The following YWHAE variants were observed in gnomAD, a reference collection of about 807,000 sequenced individuals.
YWHAE encodes 14-3-3 protein epsilon.
In YWHAE, 4 loss-of-function variants were observed where a neutral mutation model predicts 30.1. The ratio of observed to expected loss-of-function variants is 0.13; its 90% CI spans 0.07 to 0.30. YWHAE has a LOEUF of 0.30. YWHAE is among the 10% of genes least tolerant of loss of function. The pLI, the probability that YWHAE is intolerant of heterozygous loss-of-function variation, is 1.00. For synonymous variants in YWHAE, 118 were observed against 111.8 expected (o/e 1.06, Z -0.35); for missense variants, 121 against 315.9 (o/e 0.38, Z 4.68).
intron 4 of YWHAE, among the ~76,000 whole-genome samples, chr17:1,356,478 C>G (rs757319735): frequency 5.9e-5 from 9 of 152,160 alleles, no homozygotes; most frequent in Non-Finnish European, 1.3e-4. Context: ...AAGGAGAAAA[C>G]AAAACACACT....
intron 1 of YWHAE, among the ~76,000 whole-genome samples, chr17:1,395,371 T>C (rs183833520): frequency 2.7e-5 from 4 of 150,408 alleles, no homozygotes; most frequent in African/African-American, 9.8e-5. Context: ...CTACTAAAAA[T>C]ACAAAAAATT....
At chr17:1,389,418 T>A (rs1340717173) in intron 1 of YWHAE, among the ~76,000 whole-genome samples, 1 of 152,196 alleles carries the variant, frequency 6.6e-6, no homozygotes, top group Non-Finnish European at 1.5e-5. Flanking sequence ...GTCCAAGGCT[T>A]ATATTATGCC....
chr17:1,379,759 C>A (rs1245301560), intron 1 of YWHAE, among the ~76,000 whole-genome samples: 2 of 152,104 alleles, frequency 1.3e-5, no homozygotes, highest in African/African-American at 4.8e-5. Context: ...TTGAGGTAAA[C>A]AGTTGGACAA....
intron 1 of YWHAE, among the ~76,000 whole-genome samples, chr17:1,377,722 TC>T (rs2073145901): frequency 1.3e-5 from 2 of 152,140 alleles, no homozygotes; most frequent in African/African-American, 4.8e-5. Flanking sequence ...GGAAACATCA[TC>T]CCTCTGGATC....
At chr17:1,353,017 A>G (rs2072661407) in intron 5 of YWHAE, among the ~76,000 whole-genome samples, 1 of 152,206 alleles carries the variant, frequency 6.6e-6, no homozygotes, top group South Asian at 2.1e-4. Flanking sequence ...CAGAGAATAA[A>G]ATTTCCTTTA....
chr17:1,352,612 G>A (rs2072653858), intron 5 of YWHAE, among the ~76,000 whole-genome samples: 1 of 151,274 alleles, frequency 6.6e-6, no homozygotes, highest in African/African-American at 2.4e-5. Flanking sequence ...TGCAACCTCC[G>A]CCTCCTGGGT....
intron 1 of YWHAE, among the ~76,000 whole-genome samples, chr17:1,370,564 G>A (rs926672679): frequency 6.6e-6 from 1 of 152,054 alleles, no homozygotes; most frequent in Non-Finnish European, 1.5e-5. Flanking sequence ...CCAAGTAGCT[G>A]AGACTACAAG....
At chr17:1,397,327 C>A (rs1279966063) in intron 1 of YWHAE, among the ~76,000 whole-genome samples, 1 of 152,206 alleles carries the variant, frequency 6.6e-6, no homozygotes, top group Non-Finnish European at 1.5e-5. Context: ...AGACTACTGG[C>A]TTGTTAAAGT....
chr17:1,359,944 G>A (rs1403302995), intron 4 of YWHAE, among the ~76,000 whole-genome samples: 1 of 74,876 alleles, frequency 1.3e-5, no homozygotes, highest in Non-Finnish European at 2.7e-5. Context: ...AGGAGGGGGA[G>A]GGGGGGAGAG....
intron 1 of YWHAE, among the ~76,000 whole-genome samples, chr17:1,377,833 G>A (rs2073147202): frequency 1.3e-5 from 2 of 152,196 alleles, no homozygotes; most frequent in African/African-American, 4.8e-5. Context: ...TGGATCACCT[G>A]AGGTCAGGAG....
At chr17:1,388,118 G>GTTTTTTTTTTTTTTTTTTTT (rs1297503908) in intron 1 of YWHAE, among the ~76,000 whole-genome samples, 3 of 15,504 alleles carry the variant, frequency 1.9e-4, no homozygotes, top group African/African-American at 5.1e-4. Context: ...TTTTTGGTTG[G>GTTTTTTTTTTTTTTTTTTTT]TTTTTTTTTT....
At chr17:1,376,209 C>A (rs1310855693) in intron 1 of YWHAE, among the ~76,000 whole-genome samples, 1 of 152,124 alleles carries the variant, frequency 6.6e-6, no homozygotes, top group Non-Finnish European at 1.5e-5. Context: ...TTGTTTGCTT[C>A]TGTGACAATA....
At chr17:1,355,527 C>CA (rs991418376) in intron 4 of YWHAE, among the ~76,000 whole-genome samples, 52 of 151,216 alleles carry the variant, frequency 3.4e-4, no homozygotes, top group African/African-American at 1.2e-3. Context: ...TTAATGGAGG[C>CA]AGGGAAGCAA....
chr17:1,352,754 T>C (rs950313210), intron 5 of YWHAE, among the ~76,000 whole-genome samples: 4 of 152,102 alleles, frequency 2.6e-5, no homozygotes, highest in African/African-American at 9.7e-5. Flanking sequence ...CTCGATCTCC[T>C]GACCGCGTGA....
chr17:1,380,791 A>G (rs1011279193), intron 1 of YWHAE, among the ~76,000 whole-genome samples: 11 of 152,274 alleles, frequency 7.2e-5, no homozygotes, highest in East Asian at 3.9e-4. Context: ...ATTTAATCCC[A>G]TATCTGTGCT....
At chr17:1,356,109 C>A (rs1030642288) in intron 4 of YWHAE, among the ~76,000 whole-genome samples, 1 of 151,896 alleles carries the variant, frequency 6.6e-6, no homozygotes, top group Admixed American at 6.6e-5. Context: ...GCGGAGCCTG[C>A]AGTGAGCCGA....
At chr17:1,354,964 GTTTTTTTTTTTTTTTTTTT>G (rs56351171) in intron 4 of YWHAE, among the ~76,000 whole-genome samples, 7 of 74,740 alleles carry the variant, frequency 9.4e-5, no homozygotes, top group Non-Finnish European at 1.4e-4. Flanking sequence ...GCCCAGCCTA[GTTTTTTTTTTTTTTTTTTT>G]TTTTTTTTTT....
chr17:1,397,026 A>G (rs1020145556), intron 1 of YWHAE, among the ~76,000 whole-genome samples: 1 of 151,122 alleles, frequency 6.6e-6, no homozygotes, highest in Admixed American at 6.6e-5. Flanking sequence ...GGTTCAAGTG[A>G]TTCTTCCACC....
intron 1 of YWHAE, among the ~76,000 whole-genome samples, chr17:1,382,443 G>A (rs896921772): frequency 3.4e-5 from 5 of 147,200 alleles, no homozygotes; most frequent in South Asian, 2.2e-4. Flanking sequence ...GGCAAGCTCC[G>A]CCTCCCGGGT....
Sources: allele counts gnomAD v4.1 joint callset (sites outside exome capture counted in the v4.1 genomes callset), GRCh38; gene constraint gnomAD v4.1.1; transcripts MANE v1.5; gene names NCBI Gene and HGNC (gene_info 2026-07-23, HGNC 2026-07-21).